Variants in PARP12 observed in about 807,000 individuals in gnomAD.
The protein encoded by PARP12 is poly(ADP-ribose) polymerase family member 12.
Under a neutral mutation model 72.4 loss-of-function variants are expected in PARP12, and 59 were observed. That is an observed-to-expected ratio of 0.81 (90% CI 0.66 to 1.01). The LOEUF (loss-of-function observed/expected upper bound fraction) is 1.01. PARP12 is among the 50% of genes least tolerant of loss of function. The pLI, the probability that PARP12 is intolerant of heterozygous loss-of-function variation, is 0.00. For synonymous variants in PARP12, 403 were observed against 371.4 expected (o/e 1.09, Z -0.98); for missense variants, 851 against 914.0 (o/e 0.93, Z 0.89).
At chr7:140,046,054 C>A (rs527811719) in intron 5 of PARP12, among the ~76,000 whole-genome samples, 1 of 152,320 alleles carries the variant, frequency 6.6e-6, no homozygotes, top group African/African-American at 2.4e-5. Flanking sequence ...AATCAGAATG[C>A]TGGCTACACA....
At position 140,062,717 on chromosome 7, in the gene PARP12, C is replaced by G; in HGVS notation, c.131G>C (p.Arg44Pro). Reference sequence around the variant, plus strand: ...CGCCACCACGAAGCGCCCACGCTGCCGCAGCAGCCGCTCCAGCGCGTCGGC... The same window carrying G: ...CGCCACCACGAAGCGCCCACGCTGCGGCAGCAGCCGCTCCAGCGCGTCGGC... ...LSADALERLL[R>P]QRGRFVVAVR... is the part of the protein sequence containing the mutation. Residue 44 changes from arginine to proline, a missense_variant, in exon 1 of 12, where the codon CGG becomes CCG. This residue lies in a region of PARP12 where 492 missense variants were observed against 489.3 expected (regional missense o/e 1.01). Transcript: ENST00000263549. 1 of 1,348,312 alleles carries G rather than the reference C, an allele frequency of 7.4e-7. No individual in the cohort carries two copies. Among genetic ancestry groups the G allele is most frequent in the Non-Finnish European group, 9.6e-7 (1 of 1,043,676 alleles). 83.5% of individuals were successfully genotyped at this position (1,348,312 alleles called of 1,614,324 possible). A position where few individuals can be genotyped will look rare whatever the true frequency, so the allele number is the denominator to read the frequency against.
In PARP12 at chr7:140,047,020, C is replaced by A; in HGVS notation, c.863-13G>T. 1 of 1,607,232 alleles carries A rather than the reference C, an allele frequency of 6.2e-7. No homozygotes were observed. The highest frequency in any genetic ancestry group is 1.1e-5 in the South Asian group (1 of 89,650). On this transcript the variant is annotated splice_polypyrimidine_tract_variant and intron_variant, in intron 4 of 11. Coordinates refer to ENST00000263549, the MANE Select transcript of PARP12 (RefSeq NM_022750.4). The stretch of plus-strand genomic sequence containing the variant: ...CTATGGCACTTATCTGAAATAAAAA[C>A]ATAAAGGAGTAAGATAGCTGGGCAA...
Position 140,024,271 on chromosome 7 carries a change from G to A in PARP12, c.*289C>T, listed in dbSNP as rs1403492057. On this transcript the variant is annotated 3_prime_UTR_variant, in exon 12 of 12. Transcript: ENST00000263549. ...AATTGTATCTAGAAACTCTGTCCCTGGTGCCAATAAGCAGCAAAGTCAACA... is the reference window on the plus strand; with the variant it reads ...AATTGTATCTAGAAACTCTGTCCCTAGTGCCAATAAGCAGCAAAGTCAACA... 1 of 417,926 alleles carries A rather than the reference G, an allele frequency of 2.4e-6. No individual in the cohort carries two copies. Among genetic ancestry groups the A allele is most frequent in the Non-Finnish European group, 4.5e-6 (1 of 224,114 alleles). 25.9% of individuals were successfully genotyped at this position (417,926 alleles called of 1,614,324 possible). A position where few individuals can be genotyped will look rare whatever the true frequency, so the allele number is the denominator to read the frequency against.
chr7:140,026,550 G>A (rs1328026351), intron 10 of PARP12, among the ~76,000 whole-genome samples: 2 of 152,144 alleles, frequency 1.3e-5, no homozygotes, highest in East Asian at 1.9e-4. Context: ...GTGGGAGCTG[G>A]GTGAAAACCC....
intron 9 of PARP12, chr7:140,027,625 A>G: frequency 2.4e-6 from 1 of 411,982 alleles, no homozygotes; most frequent in East Asian, 4.5e-5. Flanking sequence ...GTAAAACAAC[A>G]AACCTCTTGT....
At position 140,037,815 on chromosome 7, in the gene PARP12, C is replaced by T. The variant is rs1358976534; in HGVS notation, c.1224G>A (p.Val408=). 1 of 1,613,780 alleles carries T rather than the reference C, an allele frequency of 6.2e-7. No homozygotes were observed. Among genetic ancestry groups the T allele is most frequent in the Non-Finnish European group, 8.5e-7 (1 of 1,179,752 alleles). The stretch of plus-strand genomic sequence containing the variant: ...TACAGTAGGCCAGGTAGGCCTTCTC[C>T]ACGTCGCTACTGCTGACAGTGGTCA... ...HPVTTVSSSD[V]EKAYLAYCTP... Residue 408 remains valine (V), a synonymous_variant, in exon 7 of 12, where the codon GTG becomes GTA. Transcript: ENST00000263549.
Position 140,045,942 on chromosome 7 carries a change from G to A in PARP12, c.986+942C>T, listed in dbSNP as rs544543841. ...TCTATTTATATGAGGTTCAAGAACA[G>A]GCAAGACAGAGATCTATGGTGACAG... On this transcript the variant is annotated intron_variant, in intron 5 of 11. Coordinates refer to ENST00000263549, the MANE Select transcript of PARP12 (RefSeq NM_022750.4). 5.3e-5 allele frequency among the ~76,000 whole-genome samples: 8 copies of A among 152,308 alleles called. No homozygotes were observed. In the South Asian group the frequency reaches 1.7e-3, roughly 32 times the overall value.
At chr7:140,041,893 G>A (rs1816490035) in intron 5 of PARP12, 54 bp from the exon 6 acceptor site, 3 of 1,449,966 alleles carry the variant, frequency 2.1e-6, no homozygotes, top group Non-Finnish European at 2.9e-6. Context: ...AGCAGACACA[G>A]GTCCCTCAGC....
At position 140,057,956 on chromosome 7, in the gene PARP12, C is replaced by G; in HGVS notation, c.405G>C (p.Leu135=). ...AGAGTTGGCATAGCTCATTATAGCT[C>G]AGGTGGTCAACGCCATGAGTTCTCA... is the stretch of plus-strand genomic sequence containing the variant. ...SVLRTHGVDH[L]SYNELCQLLF... is the part of the protein sequence containing the mutation. The change falls in exon 2 of 12, where the codon CTG becomes CTC. Residue 135 remains leucine, a synonymous_variant. Coordinates refer to ENST00000263549, the MANE Select transcript of PARP12 (RefSeq NM_022750.4). The G allele has an allele frequency of 6.2e-7, 1 of 1,614,230 alleles. No homozygotes were observed. The highest frequency in any genetic ancestry group is 8.5e-7 in the Non-Finnish European group (1 of 1,180,030).
chr7:140,027,249 G>A (rs1287042030), intron 10 of PARP12, 27 bp downstream of exon 10: 1 of 1,607,100 alleles, frequency 6.2e-7, no homozygotes, highest in Non-Finnish European at 8.5e-7. Flanking sequence ...AGAGTCACCA[G>A]CCCACCAAGA....
Position 140,024,447 on chromosome 7 carries a change from G to A in PARP12, c.*113C>T. Reference sequence around the variant, plus strand: ...GATTAAGAACATAACTTCATTGAGAGGTCAATGTTAAGAGAACAGTTCATT... The same window carrying A: ...GATTAAGAACATAACTTCATTGAGAAGTCAATGTTAAGAGAACAGTTCATT... On this transcript the variant is annotated 3_prime_UTR_variant, in exon 12 of 12. Coordinates refer to ENST00000263549, the MANE Select transcript of PARP12 (RefSeq NM_022750.4). The A allele has an allele frequency of 2.7e-6, 3 of 1,101,160 alleles. No homozygotes were observed. Among genetic ancestry groups the A allele is most frequent in the Non-Finnish European group, 4.1e-6 (3 of 740,630 alleles). The allele number at this position is 1,101,160 out of a possible 1,614,324, so 68.2% of individuals were successfully genotyped here. A position where few individuals can be genotyped will look rare whatever the true frequency, so the allele number is the denominator to read the frequency against.
intron 7 of PARP12, among the ~76,000 whole-genome samples, chr7:140,036,436 C>T (rs539166562): frequency 1.6e-4 from 24 of 152,178 alleles, no homozygotes; most frequent in African/African-American, 2.2e-4. Context: ...ACGTGGCTGG[C>T]GCTCTCCAGC....
rs145495111 is a variant in PARP12, at chr7:140,026,276, G to A, written c.1701C>T (p.Ser567=). ...VDERQLFHGT[S]AIFVDAICQQ... ...GGCAGATGGCGTCCACAAAAATGGC[G>A]CTGGTGCCGTGGAACAGCTGCCGCT... Residue 567 remains serine, a synonymous_variant, in exon 11 of 12, where the codon AGC becomes AGT. Coordinates refer to ENST00000263549, the MANE Select transcript of PARP12 (RefSeq NM_022750.4). 4.7e-5 allele frequency: 76 copies of A among 1,613,710 alleles called. No individual in the cohort carries two copies. The highest frequency in any genetic ancestry group is 3.3e-4 in the Middle Eastern group (2 of 6,084).
intron 5 of PARP12, among the ~76,000 whole-genome samples, chr7:140,045,554 G>A (rs1816681172): frequency 6.6e-6 from 1 of 152,156 alleles, no homozygotes; most frequent in African/African-American, 2.4e-5. Flanking sequence ...TTCATTGTTT[G>A]ACAGAATGAC....
chr7:140,030,601 A>ACATACATCTC (rs1815903320), intron 8 of PARP12, among the ~76,000 whole-genome samples: 1 of 152,088 alleles, frequency 6.6e-6, no homozygotes, highest in Non-Finnish European at 1.5e-5. Context: ...ATCTCAAAAT[A>ACATACATCTC]CATACATACA....
chr7:140,024,827 C>T lies in PARP12; in HGVS notation c.1839G>A (p.Gln613=), dbSNP rs1463184845. The part of the protein sequence containing the change: ...YSHHYSKSDT[Q]THTMFLARVL... Reference sequence around the variant, plus strand: ...CCCGGGCCAGGAACATCGTGTGGGTCTGCGTGTCGGATTTGCTGTAGTGGT... The same window carrying T: ...CCCGGGCCAGGAACATCGTGTGGGTTTGCGTGTCGGATTTGCTGTAGTGGT... The change falls in exon 12 of 12, where the codon CAG becomes CAA. Residue 613 remains glutamine (Q), a synonymous_variant. Transcript: ENST00000263549. 1 of 1,614,126 alleles carries T rather than the reference C, an allele frequency of 6.2e-7. No individual in the cohort carries two copies. The highest frequency in any genetic ancestry group is 1.7e-5 in the Admixed American group (1 of 60,014).
intron 4 of PARP12, among the ~76,000 whole-genome samples, chr7:140,051,916 A>T (rs941484294): frequency 8.5e-5 from 13 of 152,158 alleles, no homozygotes; most frequent in African/African-American, 3.1e-4. Flanking sequence ...TCATAAGCAG[A>T]TGTTATTGCT....
At position 140,062,811 on chromosome 7, in the gene PARP12, C is replaced by G. The variant is rs763176995; in HGVS notation, c.37G>C (p.Val13Leu). ...QAGVVGEVTQVLCAAGGALEL... is the reference protein window; with the variant it reads ...QAGVVGEVTQLLCAAGGALEL... ...AGGGCGCCCCCGGCCGCGCACAGCA[C>G]CTGGGTGACCTCACCGACGACGCCG... Residue 13 changes from valine to leucine, a missense_variant, in exon 1 of 12, where the codon GTG becomes CTG. Val to Leu is a conservative substitution (Grantham distance 32, BLOSUM62 1). This residue lies in a region of PARP12 where 492 missense variants were observed against 489.3 expected (regional missense o/e 1.01). Transcript: ENST00000263549. 1.4e-6 allele frequency: 2 copies of G among 1,411,228 alleles called. No individual in the cohort carries two copies. The highest frequency in any genetic ancestry group is 1.5e-5 in the African/African-American group (1 of 66,932). The allele number at this position is 1,411,228 out of a possible 1,614,324, so 87.4% of individuals were successfully genotyped here.
At position 140,027,314 on chromosome 7, in the gene PARP12, C is replaced by T. The variant is rs1189070584; in HGVS notation, c.1590G>A (p.Glu530=). ...TLPFYFVQKI[E]RVQNLALWEV... is the part of the protein sequence containing the mutation. ...CCCAGAGGGCCAGGTTCTGTACTCG[C>T]TCAATCTTCTGAACAAAGTAGAAAG... Residue 530 remains glutamate (E), a synonymous_variant, in exon 10 of 12, where the codon GAG becomes GAA. Transcript: ENST00000263549. 2.5e-6 allele frequency: 4 copies of T among 1,614,066 alleles called. No individual in the cohort carries two copies. Among genetic ancestry groups the T allele is most frequent in the South Asian group, 2.2e-5 (2 of 91,072 alleles).
Sources: gnomAD v4.1 joint callset for allele counts (sites outside exome capture counted in the v4.1 genomes callset) on GRCh38, gnomAD v4.1.1 for gene constraint, gnomAD v4.1.1 regional missense constraint, MANE v1.5 for transcripts, NCBI Gene and HGNC (gene_info 2026-07-23, HGNC 2026-07-21) for gene names.